Variants in SRI observed in about 807,000 individuals in gnomAD.
SRI encodes 22 kDa protein.
SRI carries 30 observed loss-of-function variants against 33.3 expected under a neutral mutation model. That is an observed-to-expected ratio of 0.90 (90% CI 0.67 to 1.22). The LOEUF (loss-of-function observed/expected upper bound fraction) is 1.22, where lower values mean the gene tolerates loss of function less well. Among genes scored for constraint, SRI ranks in the 50% most tolerant of loss-of-function variants. SRI has a pLI of 0.00. For synonymous variants in SRI, 75 were observed against 89.9 expected (o/e 0.83, Z 0.94); for missense variants, 243 against 250.8 (o/e 0.97, Z 0.21).
intron 6 of SRI, 170 bp downstream of exon 6, chr7:88,209,169 G>A (rs1173956887): frequency 4.2e-6 from 2 of 475,728 alleles, no homozygotes; most frequent in South Asian, 8.1e-5. Context: ...ATAAATTCTG[G>A]AAAAAAAACC....
At chr7:88,217,595 T>G (rs1851765112) in intron 2 of SRI, among the ~76,000 whole-genome samples, 1 of 152,230 alleles carries the variant, frequency 6.6e-6, no homozygotes, top group Non-Finnish European at 1.5e-5. Flanking sequence ...AATCATTTTT[T>G]TCAGAGCACA....
At chr7:88,208,856 G>A in intron 6 of SRI, 1 of 398,570 alleles carries the variant, frequency 2.5e-6, no homozygotes, top group South Asian at 2.6e-5. Flanking sequence ...CAACTTCCAT[G>A]GCCATTACTT....
At position 88,210,113 on chromosome 7, in the gene SRI, T is replaced by G. The variant is rs746690319; in HGVS notation, c.267A>C (p.Thr89=). The G allele has an allele frequency of 6.2e-7, 1 of 1,614,152 alleles. No homozygotes were observed. The highest frequency in any genetic ancestry group is 2.2e-5 in the East Asian group (1 of 44,884). ...GTTCTTTAAATTCATTGAAACCCATTGTGCCAGACATATCTCTCTGAACTG... is the reference window on the plus strand; with the variant it reads ...GTTCTTTAAATTCATTGAAACCCATGGTGCCAGACATATCTCTCTGAACTG... The part of the protein sequence containing the change: ...VSMLDRDMSG[T]MGFNEFKELW... The change falls in exon 5 of 8, where the codon ACA becomes ACC. Residue 89 remains threonine (T), a synonymous_variant. Transcript: ENST00000265729.
intron 3 of SRI, among the ~76,000 whole-genome samples, chr7:88,212,631 G>GC (rs1236529579): frequency 2.0e-5 from 3 of 152,338 alleles, no homozygotes; most frequent in African/African-American, 7.2e-5. Context: ...AGCCATATTA[G>GC]CATCACCCAG....
At chr7:88,220,047 C>G, upstream of SRI, 2 of 1,517,680 alleles carry the variant, frequency 1.3e-6, no homozygotes, top group Non-Finnish European at 1.8e-6. Flanking sequence ...GCGCCGCAGC[C>G]GCCCTCGCCC....
At chr7:88,219,116 C>A (rs1266362604) in intron 1 of SRI, 174 bp from the exon 2 acceptor site, 2 of 643,222 alleles carry the variant, frequency 3.1e-6, no homozygotes, top group Non-Finnish European at 5.6e-6. Flanking sequence ...TCCATTCACA[C>A]CCCGTAATTT....
chr7:88,219,102 C>G, intron 1 of SRI, 160 bp from the exon 2 acceptor site: 2 of 668,366 alleles, frequency 3.0e-6, no homozygotes, highest in Non-Finnish European at 5.4e-6. Flanking sequence ...CTCCACCCCT[C>G]TCTTCCATTC....
chr7:88,209,143 T>A, intron 6 of SRI, 196 bp downstream of exon 6: 1 of 438,524 alleles, frequency 2.3e-6, no homozygotes. Context: ...AATGGCAGAT[T>A]ACTTACTAAT....
upstream of SRI, among the ~76,000 whole-genome samples, chr7:88,223,183 C>G (rs963597570): frequency 2.0e-5 from 3 of 152,152 alleles, no homozygotes; most frequent in Non-Finnish European, 4.4e-5. Flanking sequence ...GCTGCTAATA[C>G]TTTAGTTTGC....
At chr7:88,209,145 C>T (rs1346564299) in intron 6 of SRI, 194 bp downstream of exon 6, 4 of 435,792 alleles carry the variant, frequency 9.2e-6, no homozygotes, top group African/African-American at 2.0e-5. Context: ...TGGCAGATTA[C>T]TTACTAATCT....
At chr7:88,219,838 CGCAGGGAGAAGCCGAGGGCG>C (rs1488395771) in intron 1 of SRI, 118 bp downstream of exon 1, 1 of 1,066,430 alleles carries the variant, frequency 9.4e-7, no homozygotes, top group Non-Finnish European at 1.3e-6. Context: ...AGGCCGCGAG[CGCAGGGAGAAGCCGAGGGCG>C]GAAGGAGCCC....
chr7:88,213,402 T>A (rs1197875968), intron 3 of SRI, among the ~76,000 whole-genome samples: 1 of 152,230 alleles, frequency 6.6e-6, no homozygotes. Context: ...ATGGAGAATT[T>A]CTCAATTTCT....
At chr7:88,220,223 C>T (rs906541447), upstream of SRI, 3 of 1,311,716 alleles carry the variant, frequency 2.3e-6, no homozygotes, top group Non-Finnish European at 2.9e-6. Context: ...GTATCTTTGC[C>T]ATTACGGCGC....
intron 6 of SRI, 173 bp downstream of exon 6, chr7:88,209,166 C>T: frequency 2.1e-6 from 1 of 467,920 alleles, no homozygotes; most frequent in East Asian, 3.4e-5. Flanking sequence ...AAAATAAATT[C>T]TGGAAAAAAA....
intron 1 of SRI, 58 bp downstream of exon 1, chr7:88,219,918 G>A (rs1851842248): frequency 2.0e-6 from 3 of 1,526,290 alleles, no homozygotes; most frequent in Admixed American, 4.0e-5. Flanking sequence ...CATCTCCAAG[G>A]TGGCCTCTTA....
At position 88,210,935 on chromosome 7, in the gene SRI, C is replaced by A. The variant is rs771524177; in HGVS notation, c.206-10G>T. 1.2e-6 allele frequency: 2 copies of A among 1,612,554 alleles called. No homozygotes were observed. The highest frequency in any genetic ancestry group is 1.7e-6 in the Non-Finnish European group (2 of 1,179,016). On this transcript the variant is annotated splice_polypyrimidine_tract_variant and intron_variant, in intron 3 of 7. Transcript: ENST00000265729. ...GTCTCCAGGTTAAAAGCTGTTAAAT[C>A]AAGAAAAGTACATACATATTAACAC...
chr7:88,223,971 G>A (rs1272557555), upstream of SRI, among the ~76,000 whole-genome samples: 1 of 152,218 alleles, frequency 6.6e-6, no homozygotes, highest in Admixed American at 6.5e-5. Context: ...AACTATGTGA[G>A]GTTTATAGAT....
upstream of SRI, among the ~76,000 whole-genome samples, chr7:88,224,059 T>C (rs954908747): frequency 7.9e-5 from 12 of 152,162 alleles, no homozygotes; most frequent in African/African-American, 2.4e-4. Flanking sequence ...AATCCTGCTG[T>C]TTACAGAAGA....
In SRI at chr7:88,218,943, C is replaced by T; in HGVS notation, c.52-1G>A. 1.9e-6 allele frequency: 3 copies of T among 1,613,718 alleles called. No individual in the cohort carries two copies. Among genetic ancestry groups the T allele is most frequent in the South Asian group, 1.1e-5 (1 of 91,076 alleles). On this transcript the variant is annotated splice_acceptor_variant, in intron 1 of 7. Transcript: ENST00000265729. LOFTEE classifies it high-confidence loss of function. ...CAGGCCCTCCGGGAGCCCCTCCATA[C>T]TGTGAAACAGGAAACACATACACGT... is the stretch of plus-strand genomic sequence containing the variant.
Sources: allele counts gnomAD v4.1 joint callset (sites outside exome capture counted in the v4.1 genomes callset), GRCh38; gene constraint gnomAD v4.1.1; transcripts MANE v1.5; gene names NCBI Gene and HGNC (gene_info 2026-07-23, HGNC 2026-07-21).